The following PCDH9 variants were observed in gnomAD, a reference collection of about 807,000 sequenced individuals.
PCDH9 encodes protocadherin 9.
In PCDH9, 24 loss-of-function variants were observed where a neutral mutation model predicts 70.6. The ratio of observed to expected loss-of-function variants is 0.34; its 90% CI spans 0.25 to 0.48. The LOEUF is 0.48. Among genes scored for constraint, PCDH9 ranks in the 20% least tolerant of loss-of-function variants. The pLI is 0.99. For synonymous variants in PCDH9, 562 were observed against 558.5 expected, an observed-to-expected ratio of 1.01 and a Z score of -0.09; for missense variants, 1,281 against 1,503.6, an observed-to-expected ratio of 0.85 and a Z score of 2.45.
intron 2 of PCDH9, among the ~76,000 whole-genome samples, chr13:67,090,634 G>C (rs1265653633): frequency 1.3e-5 from 2 of 151,556 alleles, no homozygotes; most frequent in African/African-American, 4.8e-5. Context: ...CAAGCAAAAG[G>C]GTTATGTAAA....
At chr13:66,374,819 T>C (rs1332190746) in intron 4 of PCDH9, among the ~76,000 whole-genome samples, 5 of 152,090 alleles carry the variant, frequency 3.3e-5, no homozygotes, top group African/African-American at 1.2e-4. Context: ...TATATTCCTT[T>C]GTTGAGCAAC....
At position 67,224,880 on chromosome 13, in the gene PCDH9, T is replaced by C. The variant is rs969920763; in HGVS notation, c.3036+525A>G. ...CTTAGTTGCAATCTATCAACGATCA[T>C]GTGCTTCACAGCTGATGTACATTTA... On this transcript the variant is annotated intron_variant, in intron 2 of 4. Coordinates refer to ENST00000377865, the MANE Select transcript of PCDH9 (RefSeq NM_203487.3). 1.7e-5 allele frequency: 17 copies of C among 983,870 alleles called. No individual in the cohort carries two copies. In the African/African-American group the frequency reaches 3.0e-4, roughly 17 times the overall value. The allele number at this position is 983,870 out of a possible 1,614,324, so 60.9% of individuals were successfully genotyped here.
chr13:66,658,019 G>A (rs2077956532), intron 3 of PCDH9, among the ~76,000 whole-genome samples: 1 of 152,142 alleles, frequency 6.6e-6, no homozygotes, highest in Admixed American at 6.5e-5. Context: ...ATTTTACTGG[G>A]TATAAGAAAT....
At chr13:66,846,911 A>AT (rs2081221674) in intron 3 of PCDH9, among the ~76,000 whole-genome samples, 1 of 151,960 alleles carries the variant, frequency 6.6e-6, no homozygotes, top group Non-Finnish European at 1.5e-5. Flanking sequence ...ACACACACAA[A>AT]CACACACAGA....
chr13:66,720,364 T>C (rs1239870972), intron 3 of PCDH9, among the ~76,000 whole-genome samples: 1 of 149,194 alleles, frequency 6.7e-6, no homozygotes, highest in Non-Finnish European at 1.5e-5. Context: ...GGTTTCACCA[T>C]GTTGGCCAAT....
intron 4 of PCDH9, among the ~76,000 whole-genome samples, chr13:66,554,746 T>G (rs1010102717): frequency 2.0e-5 from 3 of 151,966 alleles, no homozygotes; most frequent in African/African-American, 7.3e-5. Flanking sequence ...AATTTAAACA[T>G]TTGGAGAAAA....
chr13:67,103,580 G>A (rs1045862440), intron 2 of PCDH9, among the ~76,000 whole-genome samples: 4 of 152,130 alleles, frequency 2.6e-5, no homozygotes, highest in African/African-American at 9.7e-5. Flanking sequence ...TCAAATGGCA[G>A]TAAAGCAAAG....
chr13:66,844,521 G>T (rs1181913406), intron 3 of PCDH9, among the ~76,000 whole-genome samples: 3 of 151,066 alleles, frequency 2.0e-5, no homozygotes, highest in Non-Finnish European at 4.4e-5. Flanking sequence ...GGAGGTGGAG[G>T]TTGCAGTGAG....
chr13:66,545,867 T>C (rs1047519325), intron 4 of PCDH9, among the ~76,000 whole-genome samples: 15 of 151,302 alleles, frequency 9.9e-5, no homozygotes, highest in Non-Finnish European at 2.9e-5. Context: ...TGAGACGGAG[T>C]CTCACTCTGT....
chr13:67,174,943 T>C (rs1462440858), intron 2 of PCDH9, among the ~76,000 whole-genome samples: 3 of 140,704 alleles, frequency 2.1e-5, no homozygotes, highest in Non-Finnish European at 3.0e-5. Context: ...TGGGGCCATA[T>C]TTTGAGACCT....
chr13:66,785,474 T>C (rs1406459577), intron 3 of PCDH9, among the ~76,000 whole-genome samples: 1 of 152,038 alleles, frequency 6.6e-6, no homozygotes, highest in African/African-American at 2.4e-5. Context: ...TTAATTTGGA[T>C]TAATAAATTT....
chr13:66,868,492 T>C (rs757572268), intron 3 of PCDH9, among the ~76,000 whole-genome samples: 11 of 151,908 alleles, frequency 7.2e-5, no homozygotes, highest in Non-Finnish European at 7.4e-5. Flanking sequence ...TTTTAATAAA[T>C]ATTTGAGGAA....
At chr13:66,736,897 C>G (rs35517605) in intron 3 of PCDH9, among the ~76,000 whole-genome samples, 2 of 151,918 alleles carry the variant, frequency 1.3e-5, no homozygotes, top group Non-Finnish European at 1.5e-5. Flanking sequence ...ATCTTTCCCC[C>G]GATTCAACCC....
At chr13:66,528,549 A>G (rs915147888) in intron 4 of PCDH9, among the ~76,000 whole-genome samples, 1 of 152,150 alleles carries the variant, frequency 6.6e-6, no homozygotes, top group Non-Finnish European at 1.5e-5. Context: ...AAAAGGAAAC[A>G]ATCTTTCTTC....
At chr13:66,533,311 T>C (rs1299596255) in intron 4 of PCDH9, among the ~76,000 whole-genome samples, 1 of 152,120 alleles carries the variant, frequency 6.6e-6, no homozygotes, top group Non-Finnish European at 1.5e-5. Context: ...TCATTAGATT[T>C]TAAGGTAGAT....
chr13:66,564,007 C>T (rs547559149), intron 4 of PCDH9, among the ~76,000 whole-genome samples: 1 of 152,024 alleles, frequency 6.6e-6, no homozygotes, highest in South Asian at 2.1e-4. Flanking sequence ...CCTTTGTATC[C>T]CCAGGGGCTA....
chr13:67,146,296 T>C (rs2087521824), intron 2 of PCDH9, among the ~76,000 whole-genome samples: 1 of 152,212 alleles, frequency 6.6e-6, no homozygotes, highest in Admixed American at 6.5e-5. Context: ...CAAATTAAGA[T>C]ACTTATAATA....
chr13:66,812,011 C>T (rs2080517338), intron 3 of PCDH9, among the ~76,000 whole-genome samples: 2 of 152,006 alleles, frequency 1.3e-5, no homozygotes, highest in Non-Finnish European at 2.9e-5. Flanking sequence ...GATTTTGCTG[C>T]ACCCACCACC....
chr13:66,671,646 G>T (rs1366794265), intron 3 of PCDH9, among the ~76,000 whole-genome samples: 1 of 152,142 alleles, frequency 6.6e-6, no homozygotes, highest in African/African-American at 2.4e-5. Context: ...GTGGCATTTT[G>T]CCCCTGCCCT....
Sources: allele counts gnomAD v4.1 joint callset (sites outside exome capture counted in the v4.1 genomes callset), GRCh38; gene constraint gnomAD v4.1.1; transcripts MANE v1.5; gene names NCBI Gene and HGNC (gene_info 2026-07-23, HGNC 2026-07-21).